Variants in ARB2A observed in about 807,000 individuals in gnomAD.
ARB2A encodes the protein cotranscriptional regulator ARB2A.
chr5:93,805,866 T>G, the ARB2A span: 2 of 985,154 alleles, frequency 2.0e-6, no homozygotes, highest in Non-Finnish European at 1.2e-6. Context: ...TTCTTCCACA[T>G]AGCTAAGCGA....
chr5:94,011,810 CA>C, the ARB2A span, among the ~76,000 whole-genome samples: 7 of 147,576 alleles, frequency 4.7e-5, no homozygotes, highest in African/African-American at 1.8e-4. Context: ...GATTTAGAGT[CA>C]AGTAGCACAG....
chr5:93,980,096 A>G, the ARB2A span, among the ~76,000 whole-genome samples: 1 of 152,160 alleles, frequency 6.6e-6, no homozygotes, highest in African/African-American at 2.4e-5. Context: ...AGCCTTACCA[A>G]TTCCACTGCT....
chr5:94,105,621 G>GA, the ARB2A span, among the ~76,000 whole-genome samples: 1 of 151,740 alleles, frequency 6.6e-6, no homozygotes, highest in Non-Finnish European at 1.5e-5. Context: ...CACAGAACTA[G>GA]AAAAAATATC....
the ARB2A span, among the ~76,000 whole-genome samples, chr5:94,105,174 C>A: frequency 6.6e-6 from 1 of 151,876 alleles, no homozygotes; most frequent in Non-Finnish European, 1.5e-5. Flanking sequence ...AAATGAAAGG[C>A]ATCCAAATTA....
At chr5:94,101,442 G>A in the ARB2A span, among the ~76,000 whole-genome samples, 17 of 152,238 alleles carry the variant, frequency 1.1e-4, no homozygotes, top group South Asian at 2.9e-3. Flanking sequence ...TACCATCACC[G>A]GGTATACACT....
the ARB2A span, among the ~76,000 whole-genome samples, chr5:94,088,688 G>A: frequency 2.3e-4 from 35 of 152,224 alleles, no homozygotes; most frequent in African/African-American, 7.9e-4. Flanking sequence ...GTAATAAAAT[G>A]TAAAATAAAA....
chr5:93,754,284 T>A, the ARB2A span, among the ~76,000 whole-genome samples: 2 of 152,200 alleles, frequency 1.3e-5, no homozygotes, highest in African/African-American at 4.8e-5. Flanking sequence ...CCTATATACT[T>A]TTCTTACTTA....
the ARB2A span, among the ~76,000 whole-genome samples, chr5:93,648,369 C>T: frequency 6.6e-6 from 1 of 152,072 alleles, no homozygotes; most frequent in African/African-American, 2.4e-5. Context: ...GCTAAGTTTA[C>T]ATATCTACCA....
the ARB2A span, among the ~76,000 whole-genome samples, chr5:94,042,049 A>C: frequency 6.6e-6 from 1 of 152,226 alleles, no homozygotes; most frequent in Admixed American, 6.5e-5. Context: ...TTCTGATAAA[A>C]GATTACAAGA....
chr5:93,923,977 A>G, the ARB2A span, among the ~76,000 whole-genome samples: 1 of 152,148 alleles, frequency 6.6e-6, no homozygotes, highest in South Asian at 2.1e-4. Context: ...CAGAGAAAGA[A>G]GAGTGGAAAG....
At chr5:93,769,815 A>C in the ARB2A span, among the ~76,000 whole-genome samples, 4 of 152,172 alleles carry the variant, frequency 2.6e-5, no homozygotes, top group African/African-American at 9.7e-5. Context: ...TGATAAATGG[A>C]TATGTGCTGG....
At chr5:93,649,495 C>G in the ARB2A span, among the ~76,000 whole-genome samples, 1 of 152,144 alleles carries the variant, frequency 6.6e-6, no homozygotes, top group Non-Finnish European at 1.5e-5. Flanking sequence ...AGGATGGAGT[C>G]TGGGGATGCC....
the ARB2A span, among the ~76,000 whole-genome samples, chr5:94,072,861 T>C: frequency 3.3e-5 from 5 of 152,160 alleles, no homozygotes; most frequent in African/African-American, 1.2e-4. Context: ...GTCATCACCA[T>C]CTTCCTTACC....
chr5:93,775,868 G>A, the ARB2A span, among the ~76,000 whole-genome samples: 3 of 152,254 alleles, frequency 2.0e-5, no homozygotes, highest in South Asian at 6.2e-4. Flanking sequence ...AATCCTTGTT[G>A]TTTAGGTATT....
At chr5:94,086,404 C>T in the ARB2A span, among the ~76,000 whole-genome samples, 5 of 152,242 alleles carry the variant, frequency 3.3e-5, no homozygotes, top group South Asian at 1.0e-3. Context: ...GGCATAACAT[C>T]ATGATACAAC....
the ARB2A span, among the ~76,000 whole-genome samples, chr5:93,883,188 C>A: frequency 6.6e-6 from 1 of 151,314 alleles, no homozygotes. Context: ...TTTTCAAGAT[C>A]ACTGAAGTTC....
chr5:93,741,709 T>C, the ARB2A span: 1 of 940,712 alleles, frequency 1.1e-6, no homozygotes, highest in African/African-American at 1.7e-5. Flanking sequence ...CGGGGAAATC[T>C]GGTAGATCCA....
the ARB2A span, among the ~76,000 whole-genome samples, chr5:93,889,400 T>C: frequency 4.6e-5 from 7 of 151,856 alleles, no homozygotes; most frequent in African/African-American, 1.7e-4. Context: ...CAAATGAGTA[T>C]AGCTATGAAT....
chr5:93,712,326 G>GTT, the ARB2A span, among the ~76,000 whole-genome samples: 22 of 152,250 alleles, frequency 1.4e-4, no homozygotes, highest in South Asian at 3.9e-3. Context: ...TTAAGTCCAG[G>GTT]TAAGTTTCTA....
Sources: allele counts gnomAD v4.1 joint callset (sites outside exome capture counted in the v4.1 genomes callset), GRCh38; gene constraint gnomAD v4.1.1; transcripts MANE v1.5; gene names NCBI Gene and HGNC (gene_info 2026-07-23, HGNC 2026-07-21).